Variants in NELL2 observed in about 807,000 individuals in gnomAD.
The protein encoded by NELL2 is protein kinase C-binding protein NELL2.
In NELL2, 41 loss-of-function variants were observed where a neutral mutation model predicts 109.6. That is an observed-to-expected ratio of 0.37 (90% CI 0.29 to 0.49). The LOEUF is 0.49. Ranked by LOEUF, NELL2 falls within the 20% of genes least tolerant of loss-of-function variation. The pLI is 0.98. For synonymous variants in NELL2, 355 were observed against 344.7 expected, an observed-to-expected ratio of 1.03 and a Z score of -0.33; for missense variants, 900 against 1,008.3, an observed-to-expected ratio of 0.89 and a Z score of 1.45.
chr12:44,847,464 A>C (rs1363100609), intron 2 of NELL2, among the ~76,000 whole-genome samples: 1 of 152,022 alleles, frequency 6.6e-6, no homozygotes, highest in East Asian at 1.9e-4. Flanking sequence ...AACAGGGATA[A>C]TATTTTATAA....
intron 12 of NELL2, among the ~76,000 whole-genome samples, chr12:44,699,903 GCTCAAAACT>G (rs1231985921): frequency 6.6e-6 from 1 of 152,014 alleles, no homozygotes; most frequent in African/African-American, 2.4e-5. Flanking sequence ...CTCAAATGTT[GCTCAAAACT>G]CTCTAGACAA....
At chr12:44,749,780 A>C (rs1940562603) in intron 9 of NELL2, among the ~76,000 whole-genome samples, 1 of 152,156 alleles carries the variant, frequency 6.6e-6, no homozygotes, top group African/African-American at 2.4e-5. Context: ...CATCATTCAA[A>C]ATGTAATTAT....
At chr12:44,799,623 T>C (rs1055236436) in intron 3 of NELL2, among the ~76,000 whole-genome samples, 6 of 152,132 alleles carry the variant, frequency 3.9e-5, no homozygotes, top group African/African-American at 1.4e-4. Flanking sequence ...TTCCACAGAA[T>C]ACAGATCAGT....
chr12:44,546,543 C>G (rs1182972249), intron 15 of NELL2, among the ~76,000 whole-genome samples: 1 of 152,198 alleles, frequency 6.6e-6, no homozygotes, highest in Non-Finnish European at 1.5e-5. Context: ...TTACATGAAA[C>G]AGGCTATGTG....
intron 15 of NELL2, among the ~76,000 whole-genome samples, chr12:44,566,537 A>T (rs961842467): frequency 3.6e-5 from 1 of 27,414 alleles, no homozygotes; most frequent in Non-Finnish European, 7.7e-5. Context: ...ACATACTCAC[A>T]CACACACACA....
Position 44,736,004 on chromosome 12 carries a change from CTTT to C in NELL2, c.995-21266_995-21264del, listed in dbSNP as rs35988182. Among the ~76,000 whole-genome samples the C allele has an allele frequency of 2.6e-3, 255 of 99,398 alleles. 1 individual carries two copies. Among genetic ancestry groups the C allele is most frequent in the African/African-American group, 8.7e-3 (240 of 27,742 alleles). The allele number at this position is 99,398 out of a possible 152,430, so 65.2% of individuals were successfully genotyped here. On this transcript the variant is annotated intron_variant, in intron 9 of 19. Transcript: ENST00000429094. ...TAAAATTAAAAACAAGCAGTTAATT[CTTT>C]TTTTTTTTTTTTTTTTTTTTTCTGA... is the stretch of plus-strand genomic sequence containing the variant.
intron 13 of NELL2, among the ~76,000 whole-genome samples, chr12:44,646,467 A>C (rs539661733): frequency 6.6e-6 from 1 of 152,214 alleles, no homozygotes; most frequent in Non-Finnish European, 1.5e-5. Flanking sequence ...TTTCTTATAA[A>C]TACATACTCA....
chr12:44,744,614 G>A (rs773022633), intron 9 of NELL2, among the ~76,000 whole-genome samples: 1 of 152,066 alleles, frequency 6.6e-6, no homozygotes, highest in Non-Finnish European at 1.5e-5. Flanking sequence ...AATGATAAAG[G>A]GGATATCACC....
chr12:44,902,346 G>A (rs183804006), intron 1 of NELL2, among the ~76,000 whole-genome samples: 3 of 152,254 alleles, frequency 2.0e-5, no homozygotes, highest in Admixed American at 6.5e-5. Flanking sequence ...ACTTATGAGG[G>A]ATGTGAAGGA....
At chr12:44,729,544 C>CA (rs1248343150) in intron 9 of NELL2, among the ~76,000 whole-genome samples, 1 of 137,152 alleles carries the variant, frequency 7.3e-6, no homozygotes, top group Admixed American at 7.6e-5. Flanking sequence ...TGTCAAAAGA[C>CA]AGAGAACAGC....
Position 44,875,275 on chromosome 12 carries a change from A to G in NELL2, c.134T>C (p.Val45Ala). ...ATTATGCAGCCCCGGGACCTGACGCACTCCGGTCGTGGACTCCCCAAGTTC... is the reference window on the plus strand; with the variant it reads ...ATTATGCAGCCCCGGGACCTGACGCGCTCCGGTCGTGGACTCCCCAAGTTC... ...ELELGESTTG[V>A]RQVPGLHNGT... Residue 45 changes from valine (V) to alanine (A), a missense_variant, in exon 2 of 20, where the codon GTG (valine) becomes GCG (alanine). This residue lies in a region of NELL2 where 200 missense variants were observed against 191.8 expected (regional missense o/e 1.04). Transcript: ENST00000429094. 6.2e-7 allele frequency: 1 copy of G among 1,613,984 alleles called. No individual in the cohort carries two copies. Among genetic ancestry groups the G allele is most frequent in the Non-Finnish European group, 8.5e-7 (1 of 1,180,008 alleles).
intron 2 of NELL2, among the ~76,000 whole-genome samples, chr12:44,845,557 A>G (rs1238247628): frequency 6.6e-6 from 1 of 152,218 alleles, no homozygotes; most frequent in Non-Finnish European, 1.5e-5. Flanking sequence ...GGATGTTTCC[A>G]TGACACTATT....
chr12:44,794,358 T>C (rs1566412134), intron 3 of NELL2, among the ~76,000 whole-genome samples: 1 of 152,172 alleles, frequency 6.6e-6, no homozygotes. Context: ...AAAGGGCTCA[T>C]GTCTTCCCTC....
At chr12:44,735,789 T>G (rs1305785867) in intron 9 of NELL2, among the ~76,000 whole-genome samples, 1 of 152,058 alleles carries the variant, frequency 6.6e-6, no homozygotes, top group East Asian at 1.9e-4. Flanking sequence ...TAAAAAATAT[T>G]TTTATCCTCC....
intron 15 of NELL2, among the ~76,000 whole-genome samples, chr12:44,587,284 A>AAAAAAAAAAAAAAAAATATATATATAT: frequency 6.9e-5 from 5 of 72,220 alleles, no homozygotes; most frequent in African/African-American, 2.5e-4. Flanking sequence ...AAAAAAAAAA[A>AAAAAAAAAAAAAAAAATATATATATAT]ATATATATAT....
intron 16 of NELL2, among the ~76,000 whole-genome samples, chr12:44,527,286 G>A (rs1403170294): frequency 2.6e-5 from 4 of 152,066 alleles, no homozygotes; most frequent in African/African-American, 7.2e-5. Flanking sequence ...AGCAATAATG[G>A]GACATGTGGG....
At chr12:44,624,488 G>T (rs538136520) in intron 13 of NELL2, among the ~76,000 whole-genome samples, 1 of 151,658 alleles carries the variant, frequency 6.6e-6, no homozygotes, top group South Asian at 2.1e-4. Flanking sequence ...CCTCACTATC[G>T]TCTTTCCCCC....
intron 12 of NELL2, among the ~76,000 whole-genome samples, chr12:44,701,718 A>T (rs1004856871): frequency 6.6e-6 from 1 of 152,070 alleles, no homozygotes; most frequent in Non-Finnish European, 1.5e-5. Context: ...AACTTTCCTT[A>T]TCCAGGCCAT....
At chr12:44,606,971 C>T (rs1945427976) in intron 15 of NELL2, among the ~76,000 whole-genome samples, 198 bp downstream of exon 15, 1 of 152,120 alleles carries the variant, frequency 6.6e-6, no homozygotes, top group Non-Finnish European at 1.5e-5. Flanking sequence ...AGCTGCAAAA[C>T]CTTTTTAGAG....
Sources: allele counts gnomAD v4.1 joint callset (sites outside exome capture counted in the v4.1 genomes callset), GRCh38; gene constraint gnomAD v4.1.1; regional missense constraint gnomAD v4.1.1; transcripts MANE v1.5; gene names NCBI Gene and HGNC (gene_info 2026-07-23, HGNC 2026-07-21).